KATNIP: variants seen among roughly 807,000 people sequenced by gnomAD.
KATNIP encodes the protein katanin interacting protein, also known as katanin-interacting protein.
In KATNIP, 126 loss-of-function variants were observed where a neutral mutation model predicts 174.0. That is an observed-to-expected ratio of 0.72 (90% CI 0.63 to 0.84). The LOEUF (loss-of-function observed/expected upper bound fraction) is 0.84. Ranked by LOEUF, KATNIP falls within the 40% of genes least tolerant of loss-of-function variation. The pLI is 0.00. For synonymous variants in KATNIP, 810 were observed against 835.7 expected (o/e 0.97, Z 0.53); for missense variants, 1,958 against 2,109.7 (o/e 0.93, Z 1.41).
At chr16:27,772,539 G>A (rs904652998) in intron 22 of KATNIP, among the ~76,000 whole-genome samples, 6 of 152,226 alleles carry the variant, frequency 3.9e-5, no homozygotes, top group Admixed American at 2.0e-4. Flanking sequence ...AGCTCTGCAC[G>A]TGGGACTTCA....
intron 8 of KATNIP, among the ~76,000 whole-genome samples, chr16:27,690,246 G>C (rs2078667396): frequency 1.3e-5 from 2 of 152,092 alleles, no homozygotes; most frequent in Non-Finnish European, 2.9e-5. Context: ...GCACAGGGAA[G>C]TCAAGGCTGC....
At chr16:27,636,947 A>G (rs752176411) in intron 5 of KATNIP, among the ~76,000 whole-genome samples, 26 of 152,248 alleles carry the variant, frequency 1.7e-4, no homozygotes, top group Non-Finnish European at 2.4e-4. Flanking sequence ...CTAAGAGCAT[A>G]GACCCTGGAA....
intron 14 of KATNIP, among the ~76,000 whole-genome samples, chr16:27,731,785 A>AT (rs564751342): frequency 1.6e-3 from 237 of 151,996 alleles, no homozygotes; most frequent in African/African-American, 4.9e-3. Flanking sequence ...CACAGGGCTA[A>AT]TTTTTTTGTA....
chr16:27,684,380 T>G (rs1206350267), intron 8 of KATNIP, among the ~76,000 whole-genome samples: 1 of 152,194 alleles, frequency 6.6e-6, no homozygotes, highest in Non-Finnish European at 1.5e-5. Flanking sequence ...ATTTGCTTAA[T>G]TACCCACATT....
chr16:27,576,675 C>T (rs1012820725), intron 2 of KATNIP, among the ~76,000 whole-genome samples: 3 of 151,988 alleles, frequency 2.0e-5, no homozygotes, highest in African/African-American at 4.8e-5. Flanking sequence ...CAGCAAGCTG[C>T]CAGGACTCTC....
intron 6 of KATNIP, among the ~76,000 whole-genome samples, chr16:27,669,847 T>C (rs188777978): frequency 1.1e-4 from 16 of 152,256 alleles, no homozygotes; most frequent in Admixed American, 1.0e-3. Flanking sequence ...TTTTTTTGTT[T>C]CATTTTTTAA....
intron 1 of KATNIP, among the ~76,000 whole-genome samples, chr16:27,562,201 G>C (rs1046278957): frequency 2.0e-4 from 30 of 152,288 alleles, no homozygotes; most frequent in Non-Finnish European, 3.5e-4. Flanking sequence ...CAGCTCCTTG[G>C]GAGGCTGAGG....
At chr16:27,605,003 A>T (rs1320126742) in intron 2 of KATNIP, among the ~76,000 whole-genome samples, 1 of 152,136 alleles carries the variant, frequency 6.6e-6, no homozygotes, top group African/African-American at 2.4e-5. Flanking sequence ...ATCTCGGCTC[A>T]CTGCAACCTC....
In KATNIP at chr16:27,778,579, CG is replaced by C. The variant is rs770998053; in HGVS notation, c.4808del (p.Arg1603LeufsTer19). 1 of 1,613,666 alleles carries C rather than the reference CG, an allele frequency of 6.2e-7. No homozygotes were observed. Among genetic ancestry groups the C allele is most frequent in the South Asian group, 1.1e-5 (1 of 90,998 alleles). The part of the protein sequence containing the change: ...RKQSVVDPAL[R>X]PKTCISEKET... Reference sequence around the variant, plus strand: ...TCTGTTCCCTGTCATGACAGCCTTACGTCCCAAAACCTGCATCAGCGAGAAG... The same window carrying C: ...TCTGTTCCCTGTCATGACAGCCTTACTCCCAAAACCTGCATCAGCGAGAAG... On this transcript the variant is annotated frameshift_variant, in exon 28 of 28. Transcript: ENST00000261588. LOFTEE classifies it high-confidence loss of function.
chr16:27,704,892 CT>C (rs1305373841), intron 12 of KATNIP, among the ~76,000 whole-genome samples: 6 of 141,570 alleles, frequency 4.2e-5, no homozygotes, highest in Admixed American at 1.4e-4. Flanking sequence ...GATTTTCGTT[CT>C]TTTCTTTTTT....
chr16:27,684,057 C>G (rs2078438790), intron 8 of KATNIP, among the ~76,000 whole-genome samples: 1 of 152,118 alleles, frequency 6.6e-6, no homozygotes, highest in Admixed American at 6.6e-5. Flanking sequence ...GTATATGTGC[C>G]AAGATTGCTA....
At chr16:27,649,292 A>G (rs1597057337) in intron 6 of KATNIP, among the ~76,000 whole-genome samples, 1 of 152,362 alleles carries the variant, frequency 6.6e-6, no homozygotes, top group African/African-American at 2.4e-5. Context: ...TTAGCAGCTT[A>G]CAGGGTTGAC....
At chr16:27,566,297 GGGA>G (rs2090085579) in intron 1 of KATNIP, among the ~76,000 whole-genome samples, 1 of 152,204 alleles carries the variant, frequency 6.6e-6, no homozygotes, top group Non-Finnish European at 1.5e-5. Flanking sequence ...CCAGCACTTT[GGGA>G]GGCCAAGGCA....
chr16:27,641,438 G>A (rs1316126639), intron 5 of KATNIP, among the ~76,000 whole-genome samples: 8 of 152,096 alleles, frequency 5.3e-5, no homozygotes, highest in Non-Finnish European at 1.0e-4. Flanking sequence ...ATCACTGGGG[G>A]GACAGGGGAA....
intron 2 of KATNIP, among the ~76,000 whole-genome samples, chr16:27,617,546 A>G (rs1027423063): frequency 1.3e-5 from 2 of 152,240 alleles, no homozygotes. Flanking sequence ...CATCTACGGA[A>G]GCCAGTGAAC....
intron 7 of KATNIP, chr16:27,678,904 G>A (rs1271326513): frequency 6.6e-6 from 1 of 152,436 alleles, no homozygotes; most frequent in African/African-American, 2.4e-5. Flanking sequence ...TGAGGGGCAG[G>A]GAGGAGAGAG....
Position 27,776,858 on chromosome 16 carries a change from G to A in KATNIP, c.4450-70G>A, listed in dbSNP as rs2082517203. On this transcript the variant is annotated intron_variant, in intron 24 of 27. Coordinates refer to ENST00000261588, the MANE Select transcript of KATNIP (RefSeq NM_015202.5). The surrounding 1 kb of genome is among the most constrained non-coding windows in gnomAD (Gnocchi z 4.7). ...CACCGCTCACCCCAGCCCACGCCTG[G>A]CACCCCCAGCCCAGCCAAGCGCCTC... is the stretch of plus-strand genomic sequence containing the variant. 1 of 1,155,226 alleles carries A rather than the reference G, an allele frequency of 8.7e-7. No individual in the cohort carries two copies. Among genetic ancestry groups the A allele is most frequent in the Non-Finnish European group, 1.3e-6 (1 of 767,750 alleles). The allele number at this position is 1,155,226 out of a possible 1,614,324, so 71.6% of individuals were successfully genotyped here.
intron 5 of KATNIP, chr16:27,632,545 CG>C (rs1330985924): frequency 2.4e-4 from 104 of 438,808 alleles, no homozygotes; most frequent in South Asian, 1.6e-3. Context: ...AAAGGCGAAT[CG>C]GGAGACACGG....
intron 15 of KATNIP, among the ~76,000 whole-genome samples, chr16:27,743,800 GT>G (rs895295874): frequency 1.3e-5 from 2 of 152,146 alleles, no homozygotes; most frequent in Non-Finnish European, 2.9e-5. Flanking sequence ...TACCATACAT[GT>G]TTCCAAACAT....
Sources: gnomAD v4.1 joint callset for allele counts (sites outside exome capture counted in the v4.1 genomes callset) on GRCh38, gnomAD v4.1.1 for gene constraint, Gnocchi (gnomAD v3.1) non-coding constraint, MANE v1.5 for transcripts, NCBI Gene and HGNC (gene_info 2026-07-23, HGNC 2026-07-21) for gene names.